The following SESN1 variants were observed in gnomAD, a reference collection of about 807,000 sequenced individuals.
The protein encoded by SESN1 is sestrin-1.
A neutral mutation model predicts 59.3 loss-of-function variants in SESN1; 30 were observed. The ratio of observed to expected loss-of-function variants is 0.51; its 90% confidence interval spans 0.38 to 0.69. The LOEUF is 0.69. Ranked by LOEUF, SESN1 falls within the 30% of genes least tolerant of loss-of-function variation. The pLI is 0.00. For missense variants in SESN1, 566 were observed against 673.0 expected, an observed-to-expected ratio of 0.84 and a Z score of 1.76; for synonymous variants, 197 against 219.9, an observed-to-expected ratio of 0.90 and a Z score of 0.92.
intron 1 of SESN1, among the ~76,000 whole-genome samples, chr6:109,026,416 G>A (rs1197537530): frequency 6.6e-6 from 1 of 152,140 alleles, no homozygotes; most frequent in Non-Finnish European, 1.5e-5. Flanking sequence ...CATTCTGTAC[G>A]AATTCTGAAT....
intron 1 of SESN1, among the ~76,000 whole-genome samples, chr6:109,020,757 A>C (rs1284891143): frequency 6.6e-6 from 1 of 152,172 alleles, no homozygotes; most frequent in Non-Finnish European, 1.5e-5. Context: ...TGCAATATAG[A>C]CACAAAAACA....
intron 1 of SESN1, among the ~76,000 whole-genome samples, chr6:109,048,481 C>G (rs1391005847): frequency 2.0e-5 from 3 of 152,182 alleles, no homozygotes; most frequent in Non-Finnish European, 2.9e-5. Context: ...GAAAAGGCAG[C>G]CACCTTCTCT....
At chr6:109,004,077 T>C (rs1011744845) in intron 1 of SESN1, among the ~76,000 whole-genome samples, 3 of 152,100 alleles carry the variant, frequency 2.0e-5, no homozygotes, top group African/African-American at 7.2e-5. Context: ...TTGGGACAAC[T>C]GGATAGCCAT....
chr6:109,001,429 AG>A lies in SESN1; in HGVS notation c.404del (p.Ala135ValfsTer11). On this transcript the variant is annotated frameshift_variant, in exon 3 of 10. Transcript: ENST00000436639. LOFTEE classifies it high-confidence loss of function. ...QMHALFADSF[A>X]ALGRLDNITL... Reference sequence around the variant, plus strand: ...TAATGTTATCCAAACGGCCCAAAGCAGCAAAAGAATCTGCAAATAAAGCATG... The same window carrying A: ...TAATGTTATCCAAACGGCCCAAAGCACAAAAGAATCTGCAAATAAAGCATG... 6.2e-7 allele frequency: 1 copy of A among 1,613,928 alleles called. No individual in the cohort carries two copies. The highest frequency in any genetic ancestry group is 8.5e-7 in the Non-Finnish European group (1 of 1,179,826).
At chr6:109,088,592 C>G (rs1465750524) in intron 1 of SESN1, among the ~76,000 whole-genome samples, 1 of 152,082 alleles carries the variant, frequency 6.6e-6, no homozygotes, top group Non-Finnish European at 1.5e-5. Flanking sequence ...AATTTACTTT[C>G]AGACAATATT....
intron 1 of SESN1, among the ~76,000 whole-genome samples, chr6:109,029,470 T>C (rs1780148450): frequency 6.6e-6 from 1 of 152,230 alleles, no homozygotes; most frequent in Admixed American, 6.5e-5. Context: ...GAATTTTAAA[T>C]GTTGCCACTT....
chr6:109,047,009 T>TA (rs1780456259), intron 1 of SESN1, among the ~76,000 whole-genome samples: 1 of 46,184 alleles, frequency 2.2e-5, no homozygotes, highest in African/African-American at 9.0e-5. Context: ...GTCAGCCCCC[T>TA]GCCCGGCCAG....
chr6:109,077,060 G>A (rs919113541), intron 1 of SESN1, among the ~76,000 whole-genome samples: 1 of 152,250 alleles, frequency 6.6e-6, no homozygotes, highest in African/African-American at 2.4e-5. Flanking sequence ...CTAACACAAC[G>A]ATAAGTATTT....
chr6:109,020,577 C>T (rs1319635441), intron 1 of SESN1, among the ~76,000 whole-genome samples: 1 of 152,150 alleles, frequency 6.6e-6, no homozygotes, highest in Non-Finnish European at 1.5e-5. Flanking sequence ...TTGCACAGTG[C>T]AATTCTATAC....
At chr6:109,009,289 A>C in intron 1 of SESN1, 6 of 1,356,190 alleles carry the variant, frequency 4.4e-6, no homozygotes, top group South Asian at 3.0e-5. Context: ...TCCGTGTTGC[A>C]CAGGGCAGCT....
At chr6:109,085,600 T>C (rs1781201240) in intron 1 of SESN1, among the ~76,000 whole-genome samples, 1 of 152,160 alleles carries the variant, frequency 6.6e-6, no homozygotes, top group Non-Finnish European at 1.5e-5. Context: ...CCTGAGTATA[T>C]TCTGCCAGCC....
chr6:108,987,851 C>T (rs1039332897), intron 9 of SESN1, among the ~76,000 whole-genome samples: 14 of 148,658 alleles, frequency 9.4e-5, no homozygotes, highest in African/African-American at 2.7e-4. Flanking sequence ...TTCCCAGGCT[C>T]GGGTGCAGTG....
intron 1 of SESN1, among the ~76,000 whole-genome samples, chr6:109,040,738 T>C (rs532013061): frequency 6.6e-6 from 1 of 151,856 alleles, no homozygotes; most frequent in Non-Finnish European, 1.5e-5. Flanking sequence ...CTGCAAGCTC[T>C]GCCTCCTGGG....
chr6:109,082,947 CACTT>C (rs1457440461), intron 1 of SESN1, among the ~76,000 whole-genome samples: 1 of 152,172 alleles, frequency 6.6e-6, no homozygotes, highest in African/African-American at 2.4e-5. Context: ...ATTTGTTGTG[CACTT>C]ACTATGTGTT....
chr6:109,093,728 G>A (rs1410286030), intron 1 of SESN1, 67 bp downstream of exon 1: 3 of 1,468,358 alleles, frequency 2.0e-6, no homozygotes, highest in East Asian at 2.3e-5. Flanking sequence ...CAAACACAAC[G>A]TGAATAACGG....
At chr6:109,055,740 G>C (rs1283703354) in intron 1 of SESN1, among the ~76,000 whole-genome samples, 2 of 150,412 alleles carry the variant, frequency 1.3e-5, no homozygotes, top group African/African-American at 4.9e-5. Context: ...CAAAAGTCTA[G>C]TAACCATTAC....
At position 109,002,339 on chromosome 6, in the gene SESN1, A is replaced by T. The variant is rs2114311115; in HGVS notation, c.284T>A (p.Leu95His). Reference protein sequence around the residue: ...SEFILKSIQELGIRIPRPLGQ... With the variant: ...SEFILKSIQEHGIRIPRPLGQ... ...TAGTGGTCGAGGAATTCTAATGCCA[A>T]GTTCCTAGAAAAGAAAATTACACCA... Residue 95 changes from leucine (L) to histidine (H), a missense_variant, in exon 2 of 10, where the codon CTT becomes CAT. Leu to His is a moderately conservative substitution (Grantham distance 99, BLOSUM62 -3). Coordinates refer to ENST00000436639, the MANE Select transcript of SESN1 (RefSeq NM_014454.3). 1 of 1,613,058 alleles carries T rather than the reference A, an allele frequency of 6.2e-7. No individual in the cohort carries two copies. Among genetic ancestry groups the T allele is most frequent in the East Asian group, 2.2e-5 (1 of 44,834 alleles).
intron 1 of SESN1, among the ~76,000 whole-genome samples, chr6:109,054,903 C>A (rs577800131): frequency 6.6e-6 from 1 of 152,176 alleles, no homozygotes; most frequent in Non-Finnish European, 1.5e-5. Flanking sequence ...CTTGCTTTTA[C>A]GCTTTAAAAG....
In SESN1 at chr6:108,984,328, A is replaced by T. The variant is rs1779123812; in HGVS notation, c.*3216T>A. Among the ~76,000 whole-genome samples the T allele has an allele frequency of 6.6e-6, 1 of 152,060 alleles. No homozygotes were observed. The highest frequency in any genetic ancestry group is 2.1e-4 in the South Asian group (1 of 4,836). The stretch of plus-strand genomic sequence containing the variant: ...ACTGGGTAATTTATAGATAACAGAA[A>T]TTTATTGCTCACAGTTTTGGAGGCT... On this transcript the variant is annotated 3_prime_UTR_variant, in exon 10 of 10. Coordinates refer to ENST00000436639, the MANE Select transcript of SESN1 (RefSeq NM_014454.3).
Sources: gnomAD v4.1 joint callset for allele counts (sites outside exome capture counted in the v4.1 genomes callset) on GRCh38, gnomAD v4.1.1 for gene constraint, MANE v1.5 for transcripts, NCBI Gene and HGNC (gene_info 2026-07-23, HGNC 2026-07-21) for gene names.